Variants in KCNMA1 observed in about 807,000 individuals in gnomAD.
KCNMA1 encodes the protein Calcium-activated potassium channel subunit alpha-1.
KCNMA1 carries 29 observed loss-of-function variants against 140.0 expected under a neutral mutation model. The ratio of observed to expected loss-of-function variants is 0.21; its 90% CI spans 0.15 to 0.28. The LOEUF (loss-of-function observed/expected upper bound fraction) is 0.28. KCNMA1 is among the 10% of genes least tolerant of loss of function. The pLI, the probability that KCNMA1 is intolerant of heterozygous loss-of-function variation, is 1.00. For synonymous variants in KCNMA1, 612 were observed against 611.9 expected, an observed-to-expected ratio of 1.00 and a Z score of 0.00; for missense variants, 880 against 1,602.2, an observed-to-expected ratio of 0.55 and a Z score of 7.70.
At chr10:77,029,668 T>A (rs916046014) in intron 15 of KCNMA1, among the ~76,000 whole-genome samples, 2 of 152,208 alleles carry the variant, frequency 1.3e-5, no homozygotes, top group African/African-American at 4.8e-5. Flanking sequence ...GTATATCATC[T>A]GTGATGGTTC....
chr10:77,531,718 T>C (rs2057676014), intron 1 of KCNMA1, among the ~76,000 whole-genome samples: 1 of 152,168 alleles, frequency 6.6e-6, no homozygotes, highest in Non-Finnish European at 1.5e-5. Flanking sequence ...GAAAAGGGCT[T>C]CCAACCTAGC....
In KCNMA1 at chr10:77,307,487, A is replaced by G. The variant is rs149416486; in HGVS notation, c.541-56231T>C. ...CACAAAATAGGTGTTGGGTTAGATAATTTTGCCCAACTATGAGCTAATGTA... is the reference window on the plus strand; with the variant it reads ...CACAAAATAGGTGTTGGGTTAGATAGTTTTGCCCAACTATGAGCTAATGTA... On this transcript the variant is annotated intron_variant, in intron 2 of 27. Coordinates refer to ENST00000286628, the MANE Select transcript of KCNMA1 (RefSeq NM_001161352.2). 2.5e-3 allele frequency among the ~76,000 whole-genome samples: 377 copies of G among 152,320 alleles called. 3 individuals are homozygous for G. Among genetic ancestry groups the G allele is most frequent in the South Asian group, 4.1e-3 (20 of 4,824 alleles).
chr10:77,145,178 C>A (rs891080575), intron 5 of KCNMA1, among the ~76,000 whole-genome samples: 29 of 152,270 alleles, frequency 1.9e-4, no homozygotes, highest in African/African-American at 6.5e-4. Flanking sequence ...TAAATGTGGT[C>A]CCTGGAACCA....
At chr10:77,381,692 G>A (rs1419718684) in intron 2 of KCNMA1, among the ~76,000 whole-genome samples, 2 of 152,126 alleles carry the variant, frequency 1.3e-5, no homozygotes, top group African/African-American at 4.8e-5. Context: ...CCAGTGGGCT[G>A]CTGGTCCAAA....
At chr10:77,422,307 C>T (rs923013866) in intron 1 of KCNMA1, among the ~76,000 whole-genome samples, 2 of 152,196 alleles carry the variant, frequency 1.3e-5, no homozygotes, top group Middle Eastern at 3.2e-3. Flanking sequence ...ATTCAGTAGG[C>T]TTAGGTTGGA....
intron 2 of KCNMA1, among the ~76,000 whole-genome samples, chr10:77,316,442 T>C (rs896761439): frequency 6.6e-6 from 1 of 152,158 alleles, no homozygotes; most frequent in African/African-American, 2.4e-5. Context: ...CCAGCTTAAG[T>C]AGTTTAGACC....
At chr10:77,161,309 A>G (rs1025380534) in intron 5 of KCNMA1, among the ~76,000 whole-genome samples, 19 of 152,140 alleles carry the variant, frequency 1.2e-4, no homozygotes, top group Admixed American at 6.5e-5. Context: ...GTACAGCGGC[A>G]TGATTATGGC....
intron 1 of KCNMA1, among the ~76,000 whole-genome samples, chr10:77,463,309 C>T (rs186524612): frequency 8.0e-4 from 122 of 152,288 alleles, no homozygotes; most frequent in African/African-American, 2.9e-3. Flanking sequence ...CTTCTTGGCA[C>T]CATCACACTG....
chr10:77,609,888 C>G (rs2086149130), intron 1 of KCNMA1, among the ~76,000 whole-genome samples: 1 of 152,218 alleles, frequency 6.6e-6, no homozygotes, highest in Non-Finnish European at 1.5e-5. Flanking sequence ...CACAGCCTGT[C>G]AGCAGTGGAC....
chr10:76,997,175 T>C (rs1281852271), intron 19 of KCNMA1, among the ~76,000 whole-genome samples: 1 of 152,252 alleles, frequency 6.6e-6, no homozygotes, highest in Non-Finnish European at 1.5e-5. Flanking sequence ...GATATTACAC[T>C]AAACTGATTT....
chr10:76,949,447 A>G, intron 21 of KCNMA1, 81 bp from the exon 22 acceptor site: 2 of 1,163,502 alleles, frequency 1.7e-6, no homozygotes, highest in South Asian at 2.6e-5. Flanking sequence ...TCATTTGTGC[A>G]AAGAATCAAG....
At chr10:77,374,562 G>A (rs2094950530) in intron 2 of KCNMA1, among the ~76,000 whole-genome samples, 1 of 152,160 alleles carries the variant, frequency 6.6e-6, no homozygotes, top group South Asian at 2.1e-4. Flanking sequence ...GATCACAGGG[G>A]ATGGAAGGCA....
intron 2 of KCNMA1, among the ~76,000 whole-genome samples, chr10:77,255,305 AT>A (rs77485783): frequency 3.3e-5 from 5 of 151,318 alleles, no homozygotes; most frequent in East Asian, 3.9e-4. Context: ...TACACGGTGT[AT>A]TTTTTTTTAA....
At chr10:77,026,079 T>C (rs1247382475) in intron 16 of KCNMA1, among the ~76,000 whole-genome samples, 3 of 151,700 alleles carry the variant, frequency 2.0e-5, no homozygotes, top group Non-Finnish European at 4.4e-5. Flanking sequence ...GTGACTCAAT[T>C]GAAGGGCCTA....
chr10:77,353,980 GGTGGT>G (rs1335620463), intron 2 of KCNMA1, among the ~76,000 whole-genome samples: 9 of 105,308 alleles, frequency 8.5e-5, no homozygotes, highest in East Asian at 5.4e-4. Flanking sequence ...TGGGGGGGGG[GGTGGT>G]GGGGGTGGAG....
chr10:77,102,978 C>T (rs2097131714), intron 9 of KCNMA1, among the ~76,000 whole-genome samples: 1 of 152,084 alleles, frequency 6.6e-6, no homozygotes, highest in Non-Finnish European at 1.5e-5. Flanking sequence ...ATGCCTGATG[C>T]ATAACACAGA....
intron 19 of KCNMA1, among the ~76,000 whole-genome samples, chr10:76,996,970 A>G (rs2084580828): frequency 6.6e-6 from 1 of 152,184 alleles, no homozygotes; most frequent in Non-Finnish European, 1.5e-5. Flanking sequence ...GACTGTCAGG[A>G]TAGGGTGTGT....
At chr10:77,379,290 G>A (rs2095297601) in intron 2 of KCNMA1, among the ~76,000 whole-genome samples, 1 of 152,124 alleles carries the variant, frequency 6.6e-6, no homozygotes, top group Non-Finnish European at 1.5e-5. Flanking sequence ...GCAATGTAAT[G>A]TTATTATCTT....
chr10:77,398,385 G>A (rs1374830184), intron 2 of KCNMA1, among the ~76,000 whole-genome samples: 1 of 152,172 alleles, frequency 6.6e-6, no homozygotes, highest in Non-Finnish European at 1.5e-5. Flanking sequence ...TTTAATAATA[G>A]CCATTCTGGC....
Sources: allele counts gnomAD v4.1 joint callset (sites outside exome capture counted in the v4.1 genomes callset), GRCh38; gene constraint gnomAD v4.1.1; transcripts MANE v1.5; gene names NCBI Gene and HGNC (gene_info 2026-07-23, HGNC 2026-07-21).